The following MINDY4 variants were observed in gnomAD, a reference collection of about 807,000 sequenced individuals.
The protein encoded by MINDY4 is MINDY lysine 48 deubiquitinase 4.
In MINDY4, 68 loss-of-function variants were observed where a neutral mutation model predicts 87.0. The observed-to-expected ratio is 0.78, with a 90% CI of 0.64 to 0.96. MINDY4 has a LOEUF of 0.96. MINDY4 is among the 40% of genes least tolerant of loss of function. The pLI is 0.00. For synonymous variants in MINDY4, 379 were observed against 363.2 expected, an observed-to-expected ratio of 1.04 and a Z score of -0.50; for missense variants, 919 against 928.2, an observed-to-expected ratio of 0.99 and a Z score of 0.13.
rs570771537 is a variant in MINDY4 at position 30,857,052 on chromosome 7, G to A, written c.1678-2205G>A. Among the ~76,000 whole-genome samples the A allele has an allele frequency of 1.2e-3, 183 of 152,340 alleles. 1 individual carries two copies. Among genetic ancestry groups the A allele is most frequent in the Non-Finnish European group, 1.7e-3 (119 of 68,032 alleles). On this transcript the variant is annotated intron_variant, in intron 12 of 17. Coordinates refer to ENST00000265299, the MANE Select transcript of MINDY4 (RefSeq NM_032222.3). ...GAGATCACAGAATGAAGACGAGGTT[G>A]ATTTAACATTGTTGTTGATTCATTC...
intron 14 of MINDY4, among the ~76,000 whole-genome samples, chr7:30,874,643 C>T (rs1790206708): frequency 6.6e-6 from 1 of 152,200 alleles, no homozygotes; most frequent in Non-Finnish European, 1.5e-5. Flanking sequence ...CACCCAATGC[C>T]TCATGCCACG....
At chr7:30,839,855 C>G (rs1788979211) in intron 8 of MINDY4, among the ~76,000 whole-genome samples, 1 of 152,060 alleles carries the variant, frequency 6.6e-6, no homozygotes, top group Admixed American at 6.6e-5. Flanking sequence ...TGGTTGCAGG[C>G]CTAGAACATG....
At chr7:30,790,148 A>G (rs1167639179) in intron 4 of MINDY4, among the ~76,000 whole-genome samples, 1 of 152,180 alleles carries the variant, frequency 6.6e-6, no homozygotes, top group Non-Finnish European at 1.5e-5. Flanking sequence ...CATCCTCCCT[A>G]CAGTCTTGTT....
intron 5 of MINDY4, among the ~76,000 whole-genome samples, chr7:30,816,284 T>C (rs1264366183): frequency 6.9e-6 from 1 of 145,418 alleles, no homozygotes; most frequent in Non-Finnish European, 1.5e-5. Flanking sequence ...GAAGAAAACT[T>C]CTGAGTCTGA....
chr7:30,874,250 C>T (rs1790195180), intron 14 of MINDY4, among the ~76,000 whole-genome samples: 1 of 152,238 alleles, frequency 6.6e-6, no homozygotes, highest in Non-Finnish European at 1.5e-5. Flanking sequence ...AATTCCTCCT[C>T]AGTAGGCCCT....
chr7:30,868,146 G>A (rs772232523), intron 13 of MINDY4, among the ~76,000 whole-genome samples: 9 of 152,196 alleles, frequency 5.9e-5, no homozygotes, highest in Non-Finnish European at 1.3e-4. Flanking sequence ...GAGGCTTTTA[G>A]ATGAAGGGAC....
chr7:30,826,159 T>G (rs1219661771), intron 5 of MINDY4, among the ~76,000 whole-genome samples: 1 of 152,220 alleles, frequency 6.6e-6, no homozygotes, highest in African/African-American at 2.4e-5. Flanking sequence ...TGTCTAAAGA[T>G]CCTTCACTTA....
intron 15 of MINDY4, among the ~76,000 whole-genome samples, chr7:30,881,587 G>A (rs1790464283): frequency 6.6e-6 from 1 of 152,104 alleles, no homozygotes; most frequent in Admixed American, 6.6e-5. Flanking sequence ...TACTTACCCC[G>A]GGCTCCTGGA....
At chr7:30,848,543 A>T (rs1043080855) in intron 9 of MINDY4, among the ~76,000 whole-genome samples, 32 of 152,202 alleles carry the variant, frequency 2.1e-4, no homozygotes, top group African/African-American at 7.7e-4. Context: ...CCTTTTTCTG[A>T]TAAGCTCTGC....
At chr7:30,820,529 C>T (rs528886020) in intron 5 of MINDY4, among the ~76,000 whole-genome samples, 2 of 152,138 alleles carry the variant, frequency 1.3e-5, no homozygotes, top group Non-Finnish European at 2.9e-5. Flanking sequence ...CCATTCCTCC[C>T]CCAACCCCCA....
chr7:30,835,853 G>A (rs971011094), intron 6 of MINDY4, among the ~76,000 whole-genome samples: 5 of 152,244 alleles, frequency 3.3e-5, no homozygotes, highest in Admixed American at 6.5e-5. Flanking sequence ...GCGGCAGCAG[G>A]TGTAATGACA....
chr7:30,879,241 A>G (rs79420456), intron 15 of MINDY4, among the ~76,000 whole-genome samples: 4,985 of 152,310 alleles, frequency 0.033, 110 homozygotes, highest in Middle Eastern at 0.092. Context: ...GTCCCAATCC[A>G]GTATGGCTGG....
chr7:30,810,218 G>T (rs1386182473), intron 5 of MINDY4, among the ~76,000 whole-genome samples: 2 of 135,760 alleles, frequency 1.5e-5, no homozygotes, highest in South Asian at 2.5e-4. Flanking sequence ...TAATAAGTCA[G>T]AAAGTTGAGG....
At chr7:30,855,839 C>T (rs1455897731) in intron 12 of MINDY4, among the ~76,000 whole-genome samples, 4 of 152,208 alleles carry the variant, frequency 2.6e-5, no homozygotes, top group South Asian at 2.1e-4. Flanking sequence ...GGTCAATATT[C>T]GGCCCTCCTC....
intron 5 of MINDY4, among the ~76,000 whole-genome samples, chr7:30,827,754 C>G (rs575900435): frequency 6.6e-6 from 1 of 152,156 alleles, no homozygotes; most frequent in Non-Finnish European, 1.5e-5. Context: ...CGTCCTCTAG[C>G]TCTTCCATTC....
rs184570293 is a variant in MINDY4 at position 30,826,978 on chromosome 7, G to A, written c.1074-1701G>A. On this transcript the variant is annotated intron_variant, in intron 5 of 17. Coordinates refer to ENST00000265299, the MANE Select transcript of MINDY4 (RefSeq NM_032222.3). ...AGAATTTCAGCCAGGCTTCAGTGTC[G>A]TGGTCAGATTTGCTTTCTAGGAAGA... 8.5e-5 allele frequency among the ~76,000 whole-genome samples: 13 copies of A among 152,274 alleles called. 2 individuals are homozygous for A. The highest frequency in any genetic ancestry group is 2.9e-4 in the African/African-American group (12 of 41,560).
At chr7:30,771,589 T>A in intron 1 of MINDY4, 33 bp downstream of exon 1, 3 of 1,567,184 alleles carry the variant, frequency 1.9e-6, no homozygotes, top group Non-Finnish European at 2.6e-6. Flanking sequence ...GCCCAGGAAG[T>A]GGCTCTAATT....
At chr7:30,841,118 T>A (rs1338682465) in intron 9 of MINDY4, among the ~76,000 whole-genome samples, 6 of 151,364 alleles carry the variant, frequency 4.0e-5, no homozygotes, top group Non-Finnish European at 7.4e-5. Context: ...CCAATTTCCC[T>A]CCTCAGACGG....
intron 1 of MINDY4, among the ~76,000 whole-genome samples, chr7:30,776,824 C>T (rs1452945991): frequency 6.6e-6 from 1 of 152,208 alleles, no homozygotes; most frequent in Non-Finnish European, 1.5e-5. Context: ...CTTATTCCTT[C>T]TGTCTCTCCT....
Sources: allele counts gnomAD v4.1 joint callset (sites outside exome capture counted in the v4.1 genomes callset), GRCh38; gene constraint gnomAD v4.1.1; transcripts MANE v1.5; gene names NCBI Gene and HGNC (gene_info 2026-07-23, HGNC 2026-07-21).